EFHC1: variants seen among roughly 807,000 people sequenced by gnomAD.
EFHC1 encodes EF-hand domain containing 1, also known as EF-hand domain-containing protein 1.
A neutral mutation model predicts 69.9 loss-of-function variants in EFHC1; 53 were observed. That is an observed-to-expected ratio of 0.76 (90% CI 0.61 to 0.95). The LOEUF (loss-of-function observed/expected upper bound fraction) is 0.95. Among genes scored for constraint, EFHC1 ranks in the 40% least tolerant of loss-of-function variants. The probability of loss-of-function intolerance (pLI) is 0.00; values close to 1 mark genes in which losing one functional copy is unlikely to be tolerated. For missense variants in EFHC1, 739 were observed against 798.7 expected, an observed-to-expected ratio of 0.93 and a Z score of 0.90; for synonymous variants, 256 against 278.4, an observed-to-expected ratio of 0.92 and a Z score of 0.80.
At chr6:52,465,772 A>G (rs963213780) in intron 6 of EFHC1, among the ~76,000 whole-genome samples, 1 of 150,468 alleles carries the variant, frequency 6.6e-6, no homozygotes, top group African/African-American at 2.4e-5. Flanking sequence ...ATGCCATTGC[A>G]CTCCAGCCTG....
In EFHC1 at chr6:52,492,478, A is replaced by G; in HGVS notation, c.*137A>G. ...TTGGTTCTTCTTTCACTCCTACTGAAGTCGAAACTAAATTGGATCTAATAG... is the reference window on the plus strand; with the variant it reads ...TTGGTTCTTCTTTCACTCCTACTGAGGTCGAAACTAAATTGGATCTAATAG... On this transcript the variant is annotated 3_prime_UTR_variant, in exon 11 of 11. Coordinates refer to ENST00000371068, the MANE Select transcript of EFHC1 (RefSeq NM_018100.4). 1 of 856,378 alleles carries G rather than the reference A, an allele frequency of 1.2e-6. No homozygotes were observed. Among genetic ancestry groups the G allele is most frequent in the South Asian group, 1.4e-5 (1 of 70,224 alleles). The allele number at this position is 856,378 out of a possible 1,614,324, so 53.0% of individuals were successfully genotyped here. A position where few individuals can be genotyped will look rare whatever the true frequency, so the allele number is the denominator to read the frequency against.
chr6:52,476,632 G>A (rs1216625771), intron 7 of EFHC1, among the ~76,000 whole-genome samples: 1 of 152,158 alleles, frequency 6.6e-6, no homozygotes, highest in African/African-American at 2.4e-5. Flanking sequence ...TAAAGACATG[G>A]TATCTTTTCT....
intron 2 of EFHC1, among the ~76,000 whole-genome samples, chr6:52,431,085 C>T (rs1247068490): frequency 2.0e-5 from 3 of 152,052 alleles, no homozygotes; most frequent in Admixed American, 1.3e-4. Flanking sequence ...GATTTTCTCT[C>T]TTCTTTTCTT....
chr6:52,455,551 G>A (rs1765026151), intron 5 of EFHC1, among the ~76,000 whole-genome samples: 1 of 152,092 alleles, frequency 6.6e-6, no homozygotes, highest in Non-Finnish European at 1.5e-5. Context: ...CTACTCAGGA[G>A]GCTGAGGCAG....
At chr6:52,487,257 C>G (rs578012333) in intron 9 of EFHC1, 5 of 152,264 alleles carry the variant, frequency 3.3e-5, no homozygotes, top group Non-Finnish European at 4.4e-5. Context: ...TTCTGATCTA[C>G]ATATAATATT....
At chr6:52,475,288 AAATAT>A (rs1204633265) in intron 7 of EFHC1, among the ~76,000 whole-genome samples, 1 of 152,204 alleles carries the variant, frequency 6.6e-6, no homozygotes, top group Non-Finnish European at 1.5e-5. Context: ...CTTCAAAAGA[AAATAT>A]ATGGAAATTC....
intron 5 of EFHC1, among the ~76,000 whole-genome samples, chr6:52,460,218 A>G (rs975524335): frequency 3.9e-5 from 6 of 152,240 alleles, no homozygotes; most frequent in African/African-American, 1.4e-4. Context: ...ACAATTATTG[A>G]TGTATGAAAC....
intron 1 of EFHC1, among the ~76,000 whole-genome samples, chr6:52,422,561 G>T (rs757026259): frequency 6.6e-6 from 1 of 151,764 alleles, no homozygotes; most frequent in Non-Finnish European, 1.5e-5. Context: ...TGGTAGGCTG[G>T]GCTCTAAAGC....
intron 1 of EFHC1, chr6:52,421,147 C>A: frequency 1.5e-6 from 1 of 667,284 alleles, no homozygotes; most frequent in Non-Finnish European, 1.9e-6. Flanking sequence ...ACAATTTAGT[C>A]CCATCCTCTC....
rs913640065 is a variant in EFHC1, at chr6:52,423,604, T to C, written c.64-342T>C. On this transcript the variant is annotated intron_variant, in intron 1 of 10. Coordinates refer to ENST00000371068, the MANE Select transcript of EFHC1 (RefSeq NM_018100.4). Reference sequence around the variant, plus strand: ...GCAGCTTGGACCTCCCAGGCTCAAGTGATCCTTCCACCTCAGCCGACTATA... The same window carrying C: ...GCAGCTTGGACCTCCCAGGCTCAAGCGATCCTTCCACCTCAGCCGACTATA... The C allele has an allele frequency of 7.7e-6, 4 of 516,800 alleles. No homozygotes were observed. The African/African-American group carries it at 7.9e-5, about 10-fold the overall frequency. 32.0% of individuals were successfully genotyped at this position (516,800 alleles called of 1,614,324 possible).
intron 5 of EFHC1, among the ~76,000 whole-genome samples, chr6:52,458,463 CAAAT>C (rs1765092270): frequency 6.6e-6 from 1 of 152,084 alleles, no homozygotes; most frequent in Non-Finnish European, 1.5e-5. Flanking sequence ...AGAAAAATAA[CAAAT>C]AACCCCATTG....
At chr6:52,479,327 C>G (rs1183023322) in intron 8 of EFHC1, 77 bp downstream of exon 8, 2 of 1,472,648 alleles carry the variant, frequency 1.4e-6, no homozygotes, top group Non-Finnish European at 1.9e-6. Context: ...TCATTTAACC[C>G]TGTAAGAGGC....
At chr6:52,477,403 C>T (rs1336001819) in intron 7 of EFHC1, among the ~76,000 whole-genome samples, 1 of 152,042 alleles carries the variant, frequency 6.6e-6, no homozygotes, top group Non-Finnish European at 1.5e-5. Flanking sequence ...AGATGTGCTA[C>T]AGTTACAATA....
intron 2 of EFHC1, among the ~76,000 whole-genome samples, chr6:52,436,240 T>C (rs539992170): frequency 1.3e-5 from 2 of 152,336 alleles, no homozygotes; most frequent in African/African-American, 4.8e-5. Context: ...CTTCAAACAT[T>C]CCACTGCACT....
intron 2 of EFHC1, among the ~76,000 whole-genome samples, chr6:52,435,390 C>G (rs1459663741): frequency 6.6e-6 from 1 of 152,158 alleles, no homozygotes; most frequent in Admixed American, 6.5e-5. Flanking sequence ...AAACCCAGTC[C>G]TGCAGTATAA....
chr6:52,475,984 G>C (rs151218218), intron 7 of EFHC1, among the ~76,000 whole-genome samples: 213 of 152,302 alleles, frequency 1.4e-3, no homozygotes, highest in African/African-American at 4.6e-3. Context: ...GGTCATAGCA[G>C]AGCAGAAACC....
chr6:52,434,004 G>A (rs1764471715), intron 2 of EFHC1, among the ~76,000 whole-genome samples: 1 of 151,934 alleles, frequency 6.6e-6, no homozygotes, highest in Non-Finnish European at 1.5e-5. Context: ...GCAACCCAAA[G>A]GTCCAATCTC....
intron 2 of EFHC1, chr6:52,428,130 G>A (rs989275120): frequency 4.0e-5 from 6 of 151,864 alleles, no homozygotes; most frequent in South Asian, 2.1e-4. Context: ...TTCTTTCTAC[G>A]TAACAATCAA....
chr6:52,476,456 C>T (rs1765547493), intron 7 of EFHC1, among the ~76,000 whole-genome samples: 2 of 152,148 alleles, frequency 1.3e-5, no homozygotes, highest in African/African-American at 4.8e-5. Flanking sequence ...TGAGGAGAAA[C>T]AGGATTCCCA....
Sources: allele counts gnomAD v4.1 joint callset (sites outside exome capture counted in the v4.1 genomes callset), GRCh38; gene constraint gnomAD v4.1.1; transcripts MANE v1.5; gene names NCBI Gene and HGNC (gene_info 2026-07-23, HGNC 2026-07-21).